The following SLC30A8 variants were observed in gnomAD, a reference collection of about 807,000 sequenced individuals.
SLC30A8 encodes the protein solute carrier family 30 member 8.
Under a neutral mutation model 36.9 loss-of-function variants are expected in SLC30A8, and 27 were observed. The observed-to-expected ratio is 0.73, with a 90% CI of 0.54 to 1.01. The LOEUF is 1.01. Among genes scored for constraint, SLC30A8 ranks in the 50% least tolerant of loss-of-function variants. The probability of loss-of-function intolerance (pLI) is 0.00; values close to 1 mark genes in which losing one functional copy is unlikely to be tolerated. For synonymous variants in SLC30A8, 164 were observed against 172.4 expected, an observed-to-expected ratio of 0.95 and a Z score of 0.38; for missense variants, 439 against 452.0, an observed-to-expected ratio of 0.97 and a Z score of 0.26.
intron 2 of SLC30A8, among the ~76,000 whole-genome samples, chr8:117,058,099 A>G (rs1355715556): frequency 6.6e-6 from 1 of 152,148 alleles, no homozygotes; most frequent in East Asian, 1.9e-4. Context: ...GTGCAAGAAG[A>G]TATCTCATTG....
chr8:117,101,116 TA>T (rs1249738332), intron 2 of SLC30A8, among the ~76,000 whole-genome samples: 1 of 152,198 alleles, frequency 6.6e-6, no homozygotes, highest in Non-Finnish European at 1.5e-5. Flanking sequence ...TGTTTTCAAT[TA>T]AAAAAATATT....
intron 2 of SLC30A8, among the ~76,000 whole-genome samples, chr8:117,119,183 A>C (rs1414478341): frequency 6.6e-6 from 1 of 151,920 alleles, no homozygotes; most frequent in African/African-American, 2.4e-5. Context: ...ATGCTGAGAT[A>C]CTGTGAGGCT....
At chr8:117,131,191 GT>G (rs1302761190), upstream of SLC30A8, among the ~76,000 whole-genome samples, 1 of 151,836 alleles carries the variant, frequency 6.6e-6, no homozygotes, top group African/African-American at 2.4e-5. Context: ...AATGGTTTGT[GT>G]TTTATACATA....
chr8:117,047,377 C>G (rs1817585132), intron 2 of SLC30A8, among the ~76,000 whole-genome samples: 1 of 152,116 alleles, frequency 6.6e-6, no homozygotes, highest in African/African-American at 2.4e-5. Flanking sequence ...ATTTAAAGCT[C>G]AAGCTCTATC....
chr8:117,160,434 T>TGTGC (rs1333939658), intron 4 of SLC30A8, among the ~76,000 whole-genome samples: 1,590 of 146,176 alleles, frequency 0.011, 22 homozygotes, highest in African/African-American at 0.034. Context: ...TGTGTGTGTG[T>TGTGC]GCGCGCACAT....
At chr8:117,033,146 A>G (rs1167849388) in intron 1 of SLC30A8, among the ~76,000 whole-genome samples, 1 of 152,226 alleles carries the variant, frequency 6.6e-6, no homozygotes, top group Non-Finnish European at 1.5e-5. Flanking sequence ...ACTCTTAGGT[A>G]TACATCCAAA....
At chr8:116,960,219 A>G (rs937066536) in intron 1 of SLC30A8, among the ~76,000 whole-genome samples, 2 of 152,214 alleles carry the variant, frequency 1.3e-5, no homozygotes, top group African/African-American at 4.8e-5. Flanking sequence ...CTATCTCATC[A>G]TATTTTAGGA....
At chr8:117,165,330 C>T (rs1002291460) in intron 6 of SLC30A8, among the ~76,000 whole-genome samples, 2 of 152,130 alleles carry the variant, frequency 1.3e-5, no homozygotes, top group Non-Finnish European at 2.9e-5. Flanking sequence ...TTTGGGTTGA[C>T]TGGAATATAG....
At chr8:117,011,104 A>G (rs1256338498) in intron 1 of SLC30A8, among the ~76,000 whole-genome samples, 1 of 152,208 alleles carries the variant, frequency 6.6e-6, no homozygotes. Flanking sequence ...TCCTCAGGCT[A>G]CAGCCCGAGA....
chr8:116,992,954 G>T (rs914970619), intron 1 of SLC30A8, among the ~76,000 whole-genome samples: 2 of 144,092 alleles, frequency 1.4e-5, no homozygotes, highest in African/African-American at 4.9e-5. Flanking sequence ...GCAGAGAATC[G>T]TGGCCATGTC....
chr8:117,103,749 G>GT (rs1305963520), intron 2 of SLC30A8, among the ~76,000 whole-genome samples: 1 of 152,122 alleles, frequency 6.6e-6, no homozygotes, highest in Non-Finnish European at 1.5e-5. Flanking sequence ...AATTATAAGT[G>GT]TGAGCCACTG....
At chr8:117,025,317 G>A (rs1816839768) in intron 1 of SLC30A8, among the ~76,000 whole-genome samples, 2 of 152,078 alleles carry the variant, frequency 1.3e-5, no homozygotes, top group South Asian at 4.1e-4. Context: ...TTTTTTAAAT[G>A]CAAGACTTCT....
At chr8:117,156,149 C>T (rs1283155487) in intron 3 of SLC30A8, among the ~76,000 whole-genome samples, 1 of 152,112 alleles carries the variant, frequency 6.6e-6, no homozygotes, top group Admixed American at 6.5e-5. Context: ...AAGCAATTCC[C>T]CTGCCTCAAC....
At position 117,047,579 on chromosome 8, in the gene SLC30A8, T is replaced by C. The variant is rs1817591976; in HGVS notation, c.-226+8321T>C. ...AGGTGACCTTGGAAAGGACTACATATAGTCCTTTCTAACCTTTACAGCTGA... is the reference window on the plus strand; with the variant it reads ...AGGTGACCTTGGAAAGGACTACATACAGTCCTTTCTAACCTTTACAGCTGA... On this transcript the variant is annotated intron_variant, in intron 2 of 10. Transcript: ENST00000427715. 2.0e-5 allele frequency among the ~76,000 whole-genome samples: 3 copies of C among 152,116 alleles called. No individual in the cohort carries two copies. In the South Asian group the frequency reaches 6.2e-4, roughly 32 times the overall value.
intron 1 of SLC30A8, among the ~76,000 whole-genome samples, chr8:116,962,440 G>C (rs144777944): frequency 3.3e-5 from 5 of 151,802 alleles, no homozygotes; most frequent in Admixed American, 3.3e-4. Context: ...CTCCTTTTAC[G>C]TTAGTGTCAA....
chr8:116,972,030 T>C (rs1214679168), intron 1 of SLC30A8, among the ~76,000 whole-genome samples: 1 of 152,176 alleles, frequency 6.6e-6, no homozygotes, highest in African/African-American at 2.4e-5. Context: ...AGAAACCTAG[T>C]GAAAAACTAG....
intron 1 of SLC30A8, among the ~76,000 whole-genome samples, chr8:116,967,515 C>T (rs1450810891): frequency 6.6e-6 from 1 of 152,138 alleles, no homozygotes; most frequent in Non-Finnish European, 1.5e-5. Flanking sequence ...CTACATTTTA[C>T]CTCCATAGCT....
chr8:117,027,564 A>C (rs1816912290), intron 1 of SLC30A8, among the ~76,000 whole-genome samples: 1 of 152,140 alleles, frequency 6.6e-6, no homozygotes, highest in Non-Finnish European at 1.5e-5. Flanking sequence ...CCACAGTGCT[A>C]AGCTCTTACT....
chr8:117,045,799 C>T (rs1004485696), intron 2 of SLC30A8, among the ~76,000 whole-genome samples: 1 of 152,206 alleles, frequency 6.6e-6, no homozygotes, highest in Non-Finnish European at 1.5e-5. Context: ...CATTTGGACA[C>T]TAACGTGAAT....
Sources: allele counts gnomAD v4.1 joint callset (sites outside exome capture counted in the v4.1 genomes callset), GRCh38; gene constraint gnomAD v4.1.1; transcripts MANE v1.5; gene names NCBI Gene and HGNC (gene_info 2026-07-23, HGNC 2026-07-21).